The following RGL1 variants were observed in gnomAD, a reference collection of about 807,000 sequenced individuals.
RGL1 encodes ral guanine nucleotide dissociation stimulator like 1.
In RGL1, 24 loss-of-function variants were observed where a neutral mutation model predicts 95.2. The ratio of observed to expected loss-of-function variants is 0.25; its 90% CI spans 0.18 to 0.35. The LOEUF (loss-of-function observed/expected upper bound fraction) is 0.35. Among genes scored for constraint, RGL1 ranks in the 10% least tolerant of loss-of-function variants. The probability of loss-of-function intolerance (pLI) is 1.00; values close to 1 mark genes in which losing one functional copy is unlikely to be tolerated. For missense variants in RGL1, 715 were observed against 936.3 expected (o/e 0.76, Z 3.08); for synonymous variants, 329 against 344.9 (o/e 0.95, Z 0.51).
chr1:183,636,338 T>C (rs1175277531), exon 1 of RGL1: 2 of 395,964 alleles, frequency 5.1e-6, no homozygotes, highest in African/African-American at 2.1e-5. Flanking sequence ...CCTCAGACTG[T>C]GCGCTGCTAG....
intron 1 of RGL1, among the ~76,000 whole-genome samples, chr1:183,687,378 G>A (rs1001159873): frequency 2.6e-5 from 4 of 152,092 alleles, no homozygotes; most frequent in Admixed American, 6.6e-5. Flanking sequence ...TCAGTAGTTG[G>A]GAATTCAGGA....
chr1:183,850,517 GTTA>G (rs1359265498), intron 3 of RGL1, among the ~76,000 whole-genome samples: 1 of 152,092 alleles, frequency 6.6e-6, no homozygotes, highest in African/African-American at 2.4e-5. Context: ...TGGATCAATG[GTTA>G]TTAATATGTT....
chr1:183,690,715 A>G (rs1449009121), intron 1 of RGL1, among the ~76,000 whole-genome samples: 1 of 143,640 alleles, frequency 7.0e-6, no homozygotes, highest in Non-Finnish European at 1.5e-5. Flanking sequence ...TTAGTGCTAG[A>G]AAGATGAGGT....
At chr1:183,870,624 C>T (rs769909615) in intron 4 of RGL1, among the ~76,000 whole-genome samples, 2 of 152,120 alleles carry the variant, frequency 1.3e-5, no homozygotes, top group African/African-American at 2.4e-5. Context: ...TTCAAGCTTT[C>T]GGGCCCGGGG....
chr1:183,912,898 A>G lies in RGL1; in HGVS notation c.1749+630A>G, dbSNP rs772436814. 4.6e-5 allele frequency among the ~76,000 whole-genome samples: 7 copies of G among 152,296 alleles called. No homozygotes were observed. The South Asian group carries it at 6.2e-4, about 14-fold the overall frequency. ...CTTGAGTCGTATCAACCAACATTCT[A>G]TTGGCTAAAGTAATCATGTGGCCAC... On this transcript the variant is annotated intron_variant, in intron 15 of 17. Coordinates refer to ENST00000360851, the MANE Select transcript of RGL1 (RefSeq NM_001297671.3).
At chr1:183,665,149 A>G (rs939090276) in intron 1 of RGL1, among the ~76,000 whole-genome samples, 5 of 152,150 alleles carry the variant, frequency 3.3e-5, no homozygotes, top group Admixed American at 6.6e-5. Context: ...TGGAAAAATC[A>G]TATGATTTTT....
chr1:183,866,181 A>G (rs1452351905), intron 4 of RGL1, 108 bp downstream of exon 4: 2 of 879,338 alleles, frequency 2.3e-6, no homozygotes, highest in Non-Finnish European at 3.7e-6. Flanking sequence ...TTTTTTTTCC[A>G]TAGTGCATAC....
At chr1:183,729,728 C>T (rs2102226517) in intron 1 of RGL1, among the ~76,000 whole-genome samples, 1 of 152,184 alleles carries the variant, frequency 6.6e-6, no homozygotes, top group East Asian at 1.9e-4. Flanking sequence ...ACACAAATGT[C>T]CATCAGCAGG....
At chr1:183,880,406 C>T (rs1666758907) in intron 4 of RGL1, among the ~76,000 whole-genome samples, 1 of 152,162 alleles carries the variant, frequency 6.6e-6, no homozygotes, top group African/African-American at 2.4e-5. Context: ...TTATCAGTTT[C>T]ACTGCAGCAC....
At chr1:183,670,795 T>A (rs553629429) in intron 1 of RGL1, among the ~76,000 whole-genome samples, 1 of 152,348 alleles carries the variant, frequency 6.6e-6, no homozygotes, top group Admixed American at 6.5e-5. Flanking sequence ...GCTGAACCAG[T>A]TTATTCCTTT....
chr1:183,864,145 T>C (rs1665684438), intron 3 of RGL1, among the ~76,000 whole-genome samples: 1 of 152,182 alleles, frequency 6.6e-6, no homozygotes, highest in East Asian at 1.9e-4. Flanking sequence ...ATCTGGAAAC[T>C]TGTAGTACAA....
At chr1:183,880,206 C>T (rs562135654) in intron 4 of RGL1, among the ~76,000 whole-genome samples, 1 of 152,172 alleles carries the variant, frequency 6.6e-6, no homozygotes, top group Non-Finnish European at 1.5e-5. Flanking sequence ...TACCGGCAGT[C>T]AGTTATTTCC....
intron 1 of RGL1, among the ~76,000 whole-genome samples, chr1:183,643,764 T>G (rs1421698287): frequency 6.6e-6 from 1 of 152,204 alleles, no homozygotes; most frequent in Non-Finnish European, 1.5e-5. Flanking sequence ...ATCTTGATTT[T>G]ATACCCAGAA....
At chr1:183,876,482 C>G (rs574023704) in intron 4 of RGL1, among the ~76,000 whole-genome samples, 2 of 152,300 alleles carry the variant, frequency 1.3e-5, no homozygotes, top group African/African-American at 4.8e-5. Flanking sequence ...CCCTTAGGAC[C>G]GAGGAGTTTT....
At chr1:183,817,628 G>A (rs1662175277) in intron 2 of RGL1, among the ~76,000 whole-genome samples, 1 of 152,146 alleles carries the variant, frequency 6.6e-6, no homozygotes, top group East Asian at 1.9e-4. Flanking sequence ...GCTGACTTGT[G>A]GAGCTAAATG....
intron 7 of RGL1, among the ~76,000 whole-genome samples, chr1:183,886,673 C>T (rs989580423): frequency 1.3e-4 from 19 of 151,972 alleles, no homozygotes; most frequent in African/African-American, 4.6e-4. Context: ...ATATCACTTC[C>T]TAATACTGAG....
chr1:183,740,012 C>T lies in RGL1; in HGVS notation c.-32-2114C>T, dbSNP rs186691375. Among the ~76,000 whole-genome samples the T allele has an allele frequency of 9.2e-5, 14 of 152,270 alleles. No individual in the cohort carries two copies. In the East Asian group the frequency reaches 2.3e-3, roughly 25 times the overall value. On this transcript the variant is annotated intron_variant, in intron 1 of 18. Coordinates refer to the RGL1 transcript ENST00000304685. ...TATCCAGGTTTGTTTCCATAATATA[C>T]GAAGGAGACAGCCAAAACCATTTTA...
At chr1:183,699,693 CT>C (rs377632757) in intron 1 of RGL1, among the ~76,000 whole-genome samples, 7 of 152,132 alleles carry the variant, frequency 4.6e-5, no homozygotes, top group African/African-American at 1.7e-4. Context: ...CTGCCCCTGC[CT>C]TTTAGCCCTG....
At chr1:183,770,418 A>G (rs1056700698) in intron 2 of RGL1, among the ~76,000 whole-genome samples, 1 of 152,294 alleles carries the variant, frequency 6.6e-6, no homozygotes, top group East Asian at 1.9e-4. Flanking sequence ...TGGCCCATGC[A>G]TTCCCAATAA....
Sources: gnomAD v4.1 joint callset for allele counts (sites outside exome capture counted in the v4.1 genomes callset) on GRCh38, gnomAD v4.1.1 for gene constraint, MANE v1.5 for transcripts, NCBI Gene and HGNC (gene_info 2026-07-23, HGNC 2026-07-21) for gene names.